NPAS3: variants seen among roughly 807,000 people sequenced by gnomAD.
NPAS3 encodes the protein neuronal PAS domain-containing protein 3.
In NPAS3, 14 loss-of-function variants were observed where a neutral mutation model predicts 73.1. The observed-to-expected ratio is 0.19, with a 90% confidence interval of 0.13 to 0.30. The LOEUF is 0.30. Among genes scored for constraint, NPAS3 ranks in the 10% least tolerant of loss-of-function variants. NPAS3 has a pLI of 1.00. For missense variants in NPAS3, 1,096 were observed against 1,250.0 expected (o/e 0.88, Z 1.86); for synonymous variants, 620 against 541.5 (o/e 1.14, Z -2.01).
chr14:33,688,247 C>T (rs911385530), intron 6 of NPAS3, among the ~76,000 whole-genome samples: 8 of 152,232 alleles, frequency 5.3e-5, no homozygotes, highest in South Asian at 2.1e-4. Flanking sequence ...CCCAGTTAAA[C>T]GGCAAAGGAA....
At chr14:32,942,192 A>T (rs1281498085) in intron 1 of NPAS3, among the ~76,000 whole-genome samples, 2 of 152,212 alleles carry the variant, frequency 1.3e-5, no homozygotes, top group East Asian at 3.9e-4. Flanking sequence ...AAAATCATTG[A>T]TTTCACAGAG....
Position 33,357,603 on chromosome 14 carries a change from G to A in NPAS3, c.386-9583G>A, listed in dbSNP as rs528204963. Among the ~76,000 whole-genome samples the A allele has an allele frequency of 3.9e-5, 6 of 152,366 alleles. No homozygotes were observed. The East Asian group carries it at 1.2e-3, about 29-fold the overall frequency. On this transcript the variant is annotated intron_variant, in intron 3 of 11. Coordinates refer to ENST00000356141, the Ensembl canonical transcript of NPAS3. ...TCTGCTTTTCACAACAAAGAGGAGA[G>A]AGCTGACATGTGCTTAGCGCCCCCG...
intron 5 of NPAS3, among the ~76,000 whole-genome samples, chr14:33,642,570 C>T (rs1444707182): frequency 6.6e-6 from 1 of 152,198 alleles, no homozygotes; most frequent in Admixed American, 6.5e-5. Flanking sequence ...AATCTAGACA[C>T]TTAGATTTCT....
At chr14:33,353,095 C>G (rs908217069) in intron 3 of NPAS3, among the ~76,000 whole-genome samples, 2 of 151,448 alleles carry the variant, frequency 1.3e-5, no homozygotes, top group African/African-American at 2.4e-5. Context: ...AAAAAAAAAT[C>G]TCTTTCTCAC....
intron 7 of NPAS3, among the ~76,000 whole-genome samples, chr14:33,758,096 G>A (rs1566506822): frequency 3.3e-5 from 5 of 152,096 alleles, no homozygotes; most frequent in Admixed American, 3.3e-4. Flanking sequence ...ATTCTTCTGT[G>A]GTTCCCCCTT....
intron 1 of NPAS3, among the ~76,000 whole-genome samples, chr14:33,011,149 C>T (rs1232733955): frequency 6.6e-6 from 1 of 152,176 alleles, no homozygotes; most frequent in Admixed American, 6.5e-5. Context: ...AAAACAATAA[C>T]TGATGTGGTG....
At chr14:33,578,571 T>C (rs2139862686) in intron 5 of NPAS3, among the ~76,000 whole-genome samples, 1 of 152,306 alleles carries the variant, frequency 6.6e-6, no homozygotes, top group East Asian at 1.9e-4. Context: ...AAAAGAGCCA[T>C]CAAAGGCCTG....
At chr14:33,443,595 G>A (rs562867813) in intron 4 of NPAS3, among the ~76,000 whole-genome samples, 1 of 152,276 alleles carries the variant, frequency 6.6e-6, no homozygotes, top group Non-Finnish European at 1.5e-5. Flanking sequence ...GGGACCAGTG[G>A]GCCAAAGGCT....
intron 3 of NPAS3, among the ~76,000 whole-genome samples, chr14:33,266,446 C>A (rs1371116004): frequency 6.6e-6 from 1 of 152,082 alleles, no homozygotes; most frequent in Non-Finnish European, 1.5e-5. Flanking sequence ...AGAATCCTTA[C>A]CTCTAAGCCA....
intron 1 of NPAS3, among the ~76,000 whole-genome samples, chr14:32,977,637 C>T (rs954013068): frequency 2.0e-5 from 3 of 152,016 alleles, no homozygotes; most frequent in Admixed American, 6.6e-5. Flanking sequence ...GAGGTGGAGG[C>T]GGGAGGATCA....
chr14:33,505,579 T>TA (rs2052717286), intron 4 of NPAS3, among the ~76,000 whole-genome samples: 1 of 152,012 alleles, frequency 6.6e-6, no homozygotes, highest in Non-Finnish European at 1.5e-5. Context: ...GTATATGGGT[T>TA]AAAAATTACT....
chr14:33,068,952 C>T (rs568034209), intron 2 of NPAS3, among the ~76,000 whole-genome samples: 106 of 151,954 alleles, frequency 7.0e-4, no homozygotes, highest in Non-Finnish European at 1.3e-3. Flanking sequence ...TGCTGGCGGG[C>T]CAGGGAGGGA....
chr14:33,473,943 T>C (rs1475394924), intron 4 of NPAS3, among the ~76,000 whole-genome samples: 1 of 152,130 alleles, frequency 6.6e-6, no homozygotes, highest in Non-Finnish European at 1.5e-5. Flanking sequence ...TTACAAAAAG[T>C]TGGTCAACAC....
At chr14:33,102,738 G>A (rs1325745289) in intron 2 of NPAS3, among the ~76,000 whole-genome samples, 1 of 152,180 alleles carries the variant, frequency 6.6e-6, no homozygotes, top group Admixed American at 6.5e-5. Flanking sequence ...CACTGACTAT[G>A]TGAACAAGTG....
At chr14:33,128,363 A>G (rs966964487) in intron 2 of NPAS3, among the ~76,000 whole-genome samples, 1 of 152,186 alleles carries the variant, frequency 6.6e-6, no homozygotes, top group African/African-American at 2.4e-5. Flanking sequence ...GTTAAACTAC[A>G]TTGGAGGAAA....
At chr14:33,506,887 C>T (rs2052791267) in intron 4 of NPAS3, among the ~76,000 whole-genome samples, 1 of 151,986 alleles carries the variant, frequency 6.6e-6, no homozygotes, top group African/African-American at 2.4e-5. Context: ...TCTTATTTCA[C>T]TCCTTCTTGA....
chr14:33,187,831 A>T (rs550065354), intron 2 of NPAS3, among the ~76,000 whole-genome samples: 1 of 152,316 alleles, frequency 6.6e-6, no homozygotes, highest in African/African-American at 2.4e-5. Flanking sequence ...ATTTTTAATC[A>T]TCACGGCAAC....
intron 6 of NPAS3, among the ~76,000 whole-genome samples, chr14:33,695,347 A>G (rs1035917945): frequency 2.6e-5 from 4 of 152,208 alleles, no homozygotes; most frequent in Admixed American, 1.3e-4. Context: ...GTTGTATAAC[A>G]ACGTTAGTTA....
chr14:33,718,135 G>A (rs1254014539), intron 6 of NPAS3, among the ~76,000 whole-genome samples: 1 of 152,110 alleles, frequency 6.6e-6, no homozygotes, highest in Non-Finnish European at 1.5e-5. Flanking sequence ...AAGCTACGAT[G>A]TGGTTATAAG....
Sources: allele counts gnomAD v4.1 joint callset (sites outside exome capture counted in the v4.1 genomes callset), GRCh38; gene constraint gnomAD v4.1.1; transcripts MANE v1.5; gene names NCBI Gene and HGNC (gene_info 2026-07-23, HGNC 2026-07-21).